Variants in MYT1L observed in about 807,000 individuals in gnomAD.
MYT1L encodes the protein myelin transcription factor 1-like protein.
In MYT1L, 12 loss-of-function variants were observed where a neutral mutation model predicts 126.7. The ratio of observed to expected loss-of-function variants is 0.09; its 90% CI spans 0.06 to 0.15. The LOEUF is 0.15. Among genes scored for constraint, MYT1L ranks in the 10% least tolerant of loss-of-function variants. The pLI is 1.00. For synonymous variants in MYT1L, 541 were observed against 604.2 expected, an observed-to-expected ratio of 0.90 and a Z score of 1.53; for missense variants, 979 against 1,585.2, an observed-to-expected ratio of 0.62 and a Z score of 6.49.
rs147828756 is a variant in MYT1L, at chr2:1,872,283, C to A, written c.2711+14256G>T. 9.7e-4 allele frequency among the ~76,000 whole-genome samples: 148 copies of A among 152,320 alleles called. 2 individuals carry two copies. The highest frequency in any genetic ancestry group is 3.2e-3 in the African/African-American group (134 of 41,574). On this transcript the variant is annotated intron_variant, in intron 18 of 24. Transcript: ENST00000647738. ...TCCGTTTCCATCACGTTCTCACCCT[C>A]ACACACATGTCATCCAACGAAAGGT...
At chr2:1,830,190 T>C (rs191304210) in intron 21 of MYT1L, among the ~76,000 whole-genome samples, 3 of 152,152 alleles carry the variant, frequency 2.0e-5, no homozygotes, top group Admixed American at 2.0e-4. Context: ...AGAGATGAGA[T>C]AGTGGAAAGG....
At chr2:2,223,120 C>T (rs6760457) in intron 2 of MYT1L, among the ~76,000 whole-genome samples, 6,019 of 152,260 alleles carry the variant, frequency 0.04, 369 homozygotes, top group African/African-American at 0.13. Flanking sequence ...AGCTGAGATT[C>T]GAGCCTTGAA....
intron 2 of MYT1L, among the ~76,000 whole-genome samples, chr2:2,226,803 A>G (rs2094022380): frequency 6.6e-6 from 1 of 152,118 alleles, no homozygotes; most frequent in Non-Finnish European, 1.5e-5. Context: ...ATTTTCTGGA[A>G]TGACTTTCCC....
chr2:2,084,820 T>C (rs1465886425), intron 3 of MYT1L, among the ~76,000 whole-genome samples: 1 of 152,204 alleles, frequency 6.6e-6, no homozygotes, highest in Non-Finnish European at 1.5e-5. Flanking sequence ...AGGATTTAAT[T>C]GGGAAAGGAA....
At chr2:1,813,874 A>G in intron 21 of MYT1L, among the ~76,000 whole-genome samples, 1 of 94,632 alleles carries the variant, frequency 1.1e-5, no homozygotes. Flanking sequence ...AGAAATACAA[A>G]AAATTAGCCG....
chr2:2,229,018 G>A lies in MYT1L; in HGVS notation c.-421+55386C>T, dbSNP rs565036665. Among the ~76,000 whole-genome samples the A allele has an allele frequency of 2.9e-3, 439 of 152,242 alleles. 3 individuals are homozygous for A. Among genetic ancestry groups the A allele is most frequent in the Non-Finnish European group, 5.0e-3 (340 of 68,022 alleles). On this transcript the variant is annotated intron_variant, in intron 2 of 24. Transcript: ENST00000647738. ...TCCGATTTCTCAGCAGCAAACAGCC[G>A]GTTGAGAACTCAGCCAGGTATTTTC...
intron 3 of MYT1L, among the ~76,000 whole-genome samples, chr2:2,163,955 A>T (rs540089094): frequency 6.6e-6 from 1 of 152,082 alleles, no homozygotes; most frequent in Non-Finnish European, 1.5e-5. Flanking sequence ...TTTTCCTCAT[A>T]ATTCTTATTC....
chr2:2,197,947 A>G (rs1257461301), intron 2 of MYT1L, among the ~76,000 whole-genome samples: 1 of 152,134 alleles, frequency 6.6e-6, no homozygotes, highest in Non-Finnish European at 1.5e-5. Flanking sequence ...GCACACACAC[A>G]TGCATACAAT....
At chr2:2,112,678 G>C (rs988710766) in intron 3 of MYT1L, among the ~76,000 whole-genome samples, 1 of 152,092 alleles carries the variant, frequency 6.6e-6, no homozygotes, top group Non-Finnish European at 1.5e-5. Flanking sequence ...TGATGACCCC[G>C]GACCACACTG....
At chr2:2,298,599 T>G (rs1439864255) in intron 1 of MYT1L, among the ~76,000 whole-genome samples, 2 of 152,224 alleles carry the variant, frequency 1.3e-5, no homozygotes, top group African/African-American at 4.8e-5. Flanking sequence ...CCTTAGATTC[T>G]GTTATCCATA....
chr2:1,851,668 A>G lies in MYT1L; in HGVS notation c.2747T>C (p.Ile916Thr). ...PTPGCDGSGH[I>T]TGNYASHRSL... ...CCGATGAGAAGCATAATTGCCGGTG[A>G]TATGTCCAGAACCATCACAGCCAGG... Residue 916 changes from isoleucine to threonine, a missense_variant, in exon 19 of 25, where the codon ATC becomes ACC. Coordinates refer to ENST00000647738, the MANE Select transcript of MYT1L (RefSeq NM_001303052.2). 6.2e-7 allele frequency: 1 copy of G among 1,613,948 alleles called. No individual in the cohort carries two copies. The highest frequency in any genetic ancestry group is 8.5e-7 in the Non-Finnish European group (1 of 1,179,860).
intron 3 of MYT1L, among the ~76,000 whole-genome samples, chr2:2,076,448 C>T (rs577732117): frequency 3.9e-5 from 6 of 152,192 alleles, no homozygotes; most frequent in East Asian, 1.9e-4. Context: ...ATTCATTGGC[C>T]GACCACTAAC....
At chr2:2,114,794 C>T (rs2079976972) in intron 3 of MYT1L, among the ~76,000 whole-genome samples, 1 of 152,194 alleles carries the variant, frequency 6.6e-6, no homozygotes, top group Non-Finnish European at 1.5e-5. Flanking sequence ...TCGAAGAGAT[C>T]TTTGAAATGC....
chr2:1,855,328 T>C (rs2043775749), intron 18 of MYT1L, among the ~76,000 whole-genome samples: 1 of 152,226 alleles, frequency 6.6e-6, no homozygotes, highest in South Asian at 2.1e-4. Flanking sequence ...TCTAGGAGCA[T>C]TGCCTTTTCC....
intron 15 of MYT1L, among the ~76,000 whole-genome samples, chr2:1,890,145 C>G (rs2048669505): frequency 6.6e-6 from 1 of 151,590 alleles, no homozygotes; most frequent in Non-Finnish European, 1.5e-5. Context: ...CCTGGGCTCA[C>G]TGCAACCTCC....
At chr2:2,227,571 C>T (rs924314515) in intron 2 of MYT1L, among the ~76,000 whole-genome samples, 10 of 152,172 alleles carry the variant, frequency 6.6e-5, no homozygotes, top group Admixed American at 5.9e-4. Flanking sequence ...CTGCACTGCT[C>T]CTGTCCTGGG....
intron 2 of MYT1L, among the ~76,000 whole-genome samples, chr2:2,179,999 C>G (rs576603172): frequency 6.6e-6 from 1 of 152,318 alleles, no homozygotes; most frequent in African/African-American, 2.4e-5. Context: ...TCTCGCTGAT[C>G]CGTTCATACC....
chr2:2,295,328 TCTC>T (rs1365068034), intron 1 of MYT1L, among the ~76,000 whole-genome samples: 1 of 151,800 alleles, frequency 6.6e-6, no homozygotes, highest in Non-Finnish European at 1.5e-5. Flanking sequence ...GAACAGGAGG[TCTC>T]CTGAGAAACA....
At chr2:2,119,962 G>A (rs565665564) in intron 3 of MYT1L, among the ~76,000 whole-genome samples, 1 of 152,232 alleles carries the variant, frequency 6.6e-6, no homozygotes, top group South Asian at 2.1e-4. Flanking sequence ...GAGGGTGTGT[G>A]CCTGTTTAAG....
Sources: gnomAD v4.1 joint callset for allele counts (sites outside exome capture counted in the v4.1 genomes callset) on GRCh38, gnomAD v4.1.1 for gene constraint, MANE v1.5 for transcripts, NCBI Gene and HGNC (gene_info 2026-07-23, HGNC 2026-07-21) for gene names.